DNAH17: variants seen among roughly 807,000 people sequenced by gnomAD.
DNAH17 encodes dynein axonemal heavy chain 17, also known as axonemal beta dynein heavy chain 17.
DNAH17 carries 376 observed loss-of-function variants against 485.6 expected under a neutral mutation model. That is an observed-to-expected ratio of 0.77 (90% CI 0.71 to 0.84). The LOEUF (loss-of-function observed/expected upper bound fraction) is 0.84, where lower values mean the gene tolerates loss of function less well. Ranked by LOEUF, DNAH17 falls within the 40% of genes least tolerant of loss-of-function variation. The pLI, the probability that DNAH17 is intolerant of heterozygous loss-of-function variation, is 0.00. For synonymous variants in DNAH17, 3,031 were observed against 2,405.9 expected (o/e 1.26, Z -7.60); for missense variants, 6,370 against 5,839.3 (o/e 1.09, Z -2.96).
At chr17:78,440,957 G>C in intron 72 of DNAH17, 94 bp downstream of exon 72, 1 of 1,440,996 alleles carries the variant, frequency 6.9e-7, no homozygotes, top group Non-Finnish European at 9.5e-7. Context: ...GGTGTGAAGT[G>C]GTGTCTCATG....
rs557164854 is a variant in DNAH17 at position 78,502,711 on chromosome 17, A to AC, written c.5083-14dup. The AC allele has an allele frequency of 1.9e-6, 3 of 1,609,252 alleles. No homozygotes were observed. The highest frequency in any genetic ancestry group is 2.2e-5 in the East Asian group (1 of 44,836). ...AAGTCAGGGCCACCTGAAAGTACAT[A>AC]CCCCCCATTGCCCACGCAGTGAGCG... is the stretch of plus-strand genomic sequence containing the variant. On this transcript the variant is annotated splice_polypyrimidine_tract_variant and intron_variant, in intron 32 of 80. Transcript: ENST00000389840.
rs761011580 is a variant in DNAH17, at chr17:78,495,952, G to A, written c.5826C>T (p.Thr1942=). Residue 1942 remains threonine (T), a synonymous_variant, in exon 38 of 81, where the codon ACC becomes ACT. Coordinates refer to ENST00000389840, the MANE Select transcript of DNAH17 (RefSeq NM_173628.4). ...GGTTCATGGTGATGAAGATACCGAC[G>A]GTGGGAATGAGGCCTATGATCTCTC... ...FLGEIIGLIP[T]VGIFITMNPG... The A allele has an allele frequency of 3.8e-5, 62 of 1,613,822 alleles. No individual in the cohort carries two copies. The highest frequency in any genetic ancestry group is 3.2e-4 in the Admixed American group (19 of 59,984).
At chr17:78,498,269 T>TG (rs1249904421) in intron 37 of DNAH17, among the ~76,000 whole-genome samples, 1 of 152,234 alleles carries the variant, frequency 6.6e-6, no homozygotes, top group Non-Finnish European at 1.5e-5. Context: ...CACATGCTCC[T>TG]GGTCTATCCT....
In DNAH17 at chr17:78,564,611, T is replaced by C. The variant is rs570165406; in HGVS notation, c.1569+2003A>G. Among the ~76,000 whole-genome samples the C allele has an allele frequency of 3.9e-5, 6 of 152,194 alleles. No homozygotes were observed. In the South Asian group the frequency reaches 1.2e-3, roughly 32 times the overall value. ...TGTGTTATCCTTCAGGGGCTCCACG[T>C]GGAAGGCTTATGCTAGAGCGAAACT... On this transcript the variant is annotated intron_variant, in intron 11 of 80. Coordinates refer to ENST00000389840, the MANE Select transcript of DNAH17 (RefSeq NM_173628.4).
intron 25 of DNAH17, among the ~76,000 whole-genome samples, chr17:78,523,776 G>A (rs1271993610): frequency 2.6e-5 from 4 of 152,168 alleles, no homozygotes; most frequent in African/African-American, 4.8e-5. Context: ...ACGTAGTGGC[G>A]CAAGCCTGTA....
intron 2 of DNAH17, among the ~76,000 whole-genome samples, 180 bp downstream of exon 2, chr17:78,574,529 AAAGC>A (rs1295921662): frequency 6.6e-6 from 1 of 151,994 alleles, no homozygotes; most frequent in African/African-American, 2.4e-5. Context: ...TTAAAAACCA[AAAGC>A]AAGCAGGTCT....
intron 51 of DNAH17, among the ~76,000 whole-genome samples, chr17:78,477,854 A>G (rs2089105848): frequency 6.6e-6 from 1 of 152,096 alleles, no homozygotes; most frequent in South Asian, 2.1e-4. Flanking sequence ...AGTAAATGAG[A>G]GGAAATATTA....
chr17:78,527,073 C>T (rs930064464), intron 22 of DNAH17, 77 bp from the exon 23 acceptor site: 2 of 1,295,400 alleles, frequency 1.5e-6, no homozygotes, highest in East Asian at 2.5e-5. Flanking sequence ...TAATTAGAGA[C>T]TGGTAAGAAG....
At chr17:78,519,192 A>AAAAAAAAAAAAAT (rs1568188789) in intron 25 of DNAH17, among the ~76,000 whole-genome samples, 1 of 147,138 alleles carries the variant, frequency 6.8e-6, no homozygotes, top group African/African-American at 2.5e-5. Context: ...AAAAAAAAAA[A>AAAAAAAAAAAAAT]AGAAATGTAA....
At position 78,425,868 on chromosome 17, in the gene DNAH17, C is replaced by T. The variant is rs530526223; in HGVS notation, c.12916-297G>A. Among the ~76,000 whole-genome samples, 3 of 150,992 alleles carry T rather than the reference C, an allele frequency of 2.0e-5. No homozygotes were observed. In the Admixed American group the frequency reaches 2.0e-4, roughly 10 times the overall value. ...GCAACCTCCGCCTCCCGGGTTCAAG[C>T]AATTCTCCTGCCTCAGCTTCCAGAG... On this transcript the variant is annotated intron_variant, in intron 79 of 80. Transcript: ENST00000389840.
intron 19 of DNAH17, among the ~76,000 whole-genome samples, chr17:78,535,064 C>G (rs1181517759): frequency 6.6e-6 from 1 of 152,196 alleles, no homozygotes; most frequent in East Asian, 1.9e-4. Context: ...TCCTGGGCAA[C>G]AGGCCCTTCA....
chr17:78,552,513 T>C (rs2091924760), intron 15 of DNAH17, among the ~76,000 whole-genome samples, 184 bp downstream of exon 15: 1 of 9,220 alleles, frequency 1.1e-4, no homozygotes, highest in South Asian at 4.1e-3. Context: ...ACAGATGGGC[T>C]TTTTTTTTTT....
intron 73 of DNAH17, 62 bp from the exon 74 acceptor site, chr17:78,437,930 C>G: frequency 7.7e-7 from 1 of 1,299,422 alleles, no homozygotes; most frequent in Non-Finnish European, 1.1e-6. Context: ...CGAGGAGAGA[C>G]TGGCACGTGG....
intron 65 of DNAH17, among the ~76,000 whole-genome samples, chr17:78,452,559 G>A (rs2087599742): frequency 1.3e-5 from 2 of 152,282 alleles, no homozygotes; most frequent in South Asian, 2.1e-4. Flanking sequence ...CCAACATGGG[G>A]AAACCCCGTC....
intron 54 of DNAH17, among the ~76,000 whole-genome samples, chr17:78,470,212 C>T (rs1214868329): frequency 6.6e-6 from 1 of 150,568 alleles, no homozygotes; most frequent in Non-Finnish European, 1.5e-5. Context: ...AGATTACAGG[C>T]ATGTGCCACC....
At chr17:78,539,679 G>A in intron 18 of DNAH17, 58 bp downstream of exon 18, 3 of 1,387,040 alleles carry the variant, frequency 2.2e-6, no homozygotes, top group Admixed American at 2.7e-5. Context: ...AGAAACTATA[G>A]ATTCTAACAG....
intron 42 of DNAH17, among the ~76,000 whole-genome samples, chr17:78,492,341 G>A (rs376147884): frequency 4.0e-4 from 61 of 152,208 alleles, no homozygotes; most frequent in African/African-American, 1.2e-3. Flanking sequence ...CACTCCTCAC[G>A]GGTCACACCT....
At chr17:78,487,109 G>A (rs1037066284) in intron 44 of DNAH17, among the ~76,000 whole-genome samples, 3 of 151,652 alleles carry the variant, frequency 2.0e-5, no homozygotes, top group African/African-American at 7.3e-5. Flanking sequence ...GTTGGCCACA[G>A]ACATCTCTGG....
At chr17:78,475,897 A>G (rs951829893) in intron 52 of DNAH17, 64 bp from the exon 53 acceptor site, 2 of 1,557,056 alleles carry the variant, frequency 1.3e-6, no homozygotes, top group East Asian at 2.3e-5. Flanking sequence ...CAGATAGTTA[A>G]CAGCAATTCA....
Sources: allele counts gnomAD v4.1 joint callset (sites outside exome capture counted in the v4.1 genomes callset), GRCh38; gene constraint gnomAD v4.1.1; transcripts MANE v1.5; gene names NCBI Gene and HGNC (gene_info 2026-07-23, HGNC 2026-07-21).